Variants in SLC9A9 observed in about 807,000 individuals in gnomAD.
The protein encoded by SLC9A9 is sodium/hydrogen exchanger 9.
A neutral mutation model predicts 77.8 loss-of-function variants in SLC9A9; 62 were observed. That is an observed-to-expected ratio of 0.80 (90% CI 0.65 to 0.98). The LOEUF (loss-of-function observed/expected upper bound fraction) is 0.98. Ranked by LOEUF, SLC9A9 falls within the 50% of genes least tolerant of loss-of-function variation. The pLI is 0.00. For missense variants in SLC9A9, 775 were observed against 774.9 expected, an observed-to-expected ratio of 1.00 and a Z score of 0.00; for synonymous variants, 320 against 283.5, an observed-to-expected ratio of 1.13 and a Z score of -1.29.
chr3:143,373,604 G>GAAAAAAAAAAA (rs1559887556), intron 13 of SLC9A9, among the ~76,000 whole-genome samples: 3 of 19,584 alleles, frequency 1.5e-4, no homozygotes, highest in Non-Finnish European at 2.2e-4. Context: ...CACTGAAATA[G>GAAAAAAAAAAA]TAAAAAAAAA....
At chr3:143,358,245 A>G (rs1048008650) in intron 14 of SLC9A9, among the ~76,000 whole-genome samples, 45 of 152,118 alleles carry the variant, frequency 3.0e-4, no homozygotes, top group African/African-American at 9.7e-4. Flanking sequence ...GCATCCACAC[A>G]TCCTGCTGTG....
chr3:143,390,723 G>C (rs1576465661), intron 12 of SLC9A9, among the ~76,000 whole-genome samples: 1 of 152,208 alleles, frequency 6.6e-6, no homozygotes, highest in Non-Finnish European at 1.5e-5. Flanking sequence ...GTGACAGACA[G>C]CACCTGGAAA....
At chr3:143,645,605 A>G (rs2038692875) in intron 6 of SLC9A9, among the ~76,000 whole-genome samples, 1 of 152,176 alleles carries the variant, frequency 6.6e-6, no homozygotes, top group Non-Finnish European at 1.5e-5. Context: ...ATTACCTTCC[A>G]TATTAAATTT....
At chr3:143,389,615 A>G (rs769751808) in intron 12 of SLC9A9, among the ~76,000 whole-genome samples, 17 of 152,250 alleles carry the variant, frequency 1.1e-4, no homozygotes, top group Admixed American at 2.0e-4. Flanking sequence ...GAGCACTTCT[A>G]TTGTGAGAGA....
chr3:143,307,651 C>T (rs2030846519), intron 14 of SLC9A9, among the ~76,000 whole-genome samples: 1 of 152,314 alleles, frequency 6.6e-6, no homozygotes, highest in African/African-American at 2.4e-5. Flanking sequence ...CCTTTCTGTT[C>T]CCAGGCTGAC....
At chr3:143,309,695 G>A (rs546044954) in intron 14 of SLC9A9, among the ~76,000 whole-genome samples, 1 of 152,160 alleles carries the variant, frequency 6.6e-6, no homozygotes, top group Non-Finnish European at 1.5e-5. Flanking sequence ...AAGTGGTCTT[G>A]TGGGGATATC....
chr3:143,572,795 G>A (rs2037287373), intron 8 of SLC9A9, among the ~76,000 whole-genome samples: 1 of 152,094 alleles, frequency 6.6e-6, no homozygotes, highest in African/African-American at 2.4e-5. Context: ...CAGTAAGTTG[G>A]GCCAGCTGAT....
intron 4 of SLC9A9, among the ~76,000 whole-genome samples, chr3:143,746,792 T>C (rs1237941016): frequency 6.6e-6 from 1 of 152,206 alleles, no homozygotes; most frequent in Non-Finnish European, 1.5e-5. Context: ...GGCTAAAATG[T>C]CTTGCTTTCT....
At chr3:143,539,482 C>T (rs1021636294) in intron 9 of SLC9A9, among the ~76,000 whole-genome samples, 6 of 152,160 alleles carry the variant, frequency 3.9e-5, no homozygotes, top group Non-Finnish European at 8.8e-5. Flanking sequence ...CTCAGGCACA[C>T]ATATTCAGCC....
chr3:143,665,629 AT>A (rs2039052857), intron 5 of SLC9A9, among the ~76,000 whole-genome samples: 1 of 152,198 alleles, frequency 6.6e-6, no homozygotes, highest in African/African-American at 2.4e-5. Flanking sequence ...AATAGACACA[AT>A]AAAAAATGAT....
Position 143,518,638 on chromosome 3 carries a change from C to T in SLC9A9, c.1090-23190G>A, listed in dbSNP as rs115546957. 4.1e-3 allele frequency among the ~76,000 whole-genome samples: 617 copies of T among 152,290 alleles called. 1 individual carries two copies. Among genetic ancestry groups the T allele is most frequent in the Non-Finnish European group, 6.3e-3 (431 of 68,012 alleles). ...TTTGGTTTTTTGTTTTTCAAATTTACGTAAGTGAAATAATGCTGCATATAT... is the reference window on the plus strand; with the variant it reads ...TTTGGTTTTTTGTTTTTCAAATTTATGTAAGTGAAATAATGCTGCATATAT... On this transcript the variant is annotated intron_variant, in intron 9 of 15. Coordinates refer to ENST00000316549, the MANE Select transcript of SLC9A9 (RefSeq NM_173653.4).
chr3:143,360,374 C>A (rs577526277), intron 14 of SLC9A9, among the ~76,000 whole-genome samples: 15 of 152,204 alleles, frequency 9.9e-5, no homozygotes, highest in Admixed American at 9.8e-4. Context: ...TTGCTGCCCA[C>A]GTTGAATCAT....
chr3:143,338,623 G>C (rs2031998296), intron 14 of SLC9A9, among the ~76,000 whole-genome samples: 1 of 152,134 alleles, frequency 6.6e-6, no homozygotes, highest in East Asian at 1.9e-4. Context: ...CCTTACAGGT[G>C]CTTGTTTTCA....
intron 7 of SLC9A9, among the ~76,000 whole-genome samples, chr3:143,574,752 C>T (rs138306142): frequency 1.2e-4 from 19 of 152,194 alleles, no homozygotes; most frequent in African/African-American, 4.3e-4. Context: ...TTATAGGTTC[C>T]ATTATTAATG....
intron 11 of SLC9A9, among the ~76,000 whole-genome samples, chr3:143,484,051 G>A (rs1199654574): frequency 6.6e-6 from 1 of 152,070 alleles, no homozygotes; most frequent in Non-Finnish European, 1.5e-5. Context: ...GAGTGTCATT[G>A]TTTACCTTCT....
intron 6 of SLC9A9, among the ~76,000 whole-genome samples, chr3:143,609,858 C>T (rs76638157): frequency 0.014 from 2,205 of 152,198 alleles, 55 homozygotes; most frequent in African/African-American, 0.05. Flanking sequence ...CAGTTCTGTA[C>T]TGATGGACAT....
intron 12 of SLC9A9, among the ~76,000 whole-genome samples, chr3:143,434,428 T>TA (rs1427277141): frequency 6.6e-6 from 1 of 152,222 alleles, no homozygotes; most frequent in Non-Finnish European, 1.5e-5. Flanking sequence ...GATTTCATTA[T>TA]GCTGGCAACT....
chr3:143,676,202 A>G (rs941161381), intron 5 of SLC9A9, among the ~76,000 whole-genome samples: 5 of 151,452 alleles, frequency 3.3e-5, no homozygotes, highest in Non-Finnish European at 7.4e-5. Context: ...CCTGCCACTC[A>G]CCTCCTGCTG....
At chr3:143,498,159 A>G (rs1367421270) in intron 9 of SLC9A9, among the ~76,000 whole-genome samples, 1 of 152,228 alleles carries the variant, frequency 6.6e-6, no homozygotes, top group Non-Finnish European at 1.5e-5. Context: ...ACATAGTACA[A>G]AAGTTTTGTT....
Sources: gnomAD v4.1 joint callset for allele counts (sites outside exome capture counted in the v4.1 genomes callset) on GRCh38, gnomAD v4.1.1 for gene constraint, MANE v1.5 for transcripts, NCBI Gene and HGNC (gene_info 2026-07-23, HGNC 2026-07-21) for gene names.